The following SYNE1 variants were observed in gnomAD, a reference collection of about 807,000 sequenced individuals.
The protein encoded by SYNE1 is nesprin-1.
Under a neutral mutation model 1,111.0 loss-of-function variants are expected in SYNE1, and 616 were observed. That is an observed-to-expected ratio of 0.55 (90% CI 0.52 to 0.59). SYNE1 has a LOEUF of 0.59. Among genes scored for constraint, SYNE1 ranks in the 20% least tolerant of loss-of-function variants. The pLI is 0.00. For synonymous variants in SYNE1, 3,855 were observed against 3,825.8 expected (o/e 1.01, Z -0.28); for missense variants, 10,006 against 10,417.0 (o/e 0.96, Z 1.72).
At chr6:152,407,275 C>A in intron 44 of SYNE1, 79 bp from the exon 45 acceptor site, 1 of 1,370,826 alleles carries the variant, frequency 7.3e-7, no homozygotes, top group Admixed American at 1.8e-5. Flanking sequence ...ACCAATGCTT[C>A]TTTTATCAGA....
chr6:152,153,076 C>T (rs540691115), intron 133 of SYNE1, among the ~76,000 whole-genome samples: 14 of 152,194 alleles, frequency 9.2e-5, no homozygotes, highest in African/African-American at 3.1e-4. Context: ...TAAATTGAAC[C>T]GCACTCATCA....
chr6:152,562,759 A>G (rs1447544805), intron 3 of SYNE1, among the ~76,000 whole-genome samples: 2 of 152,206 alleles, frequency 1.3e-5, no homozygotes, highest in Admixed American at 1.3e-4. Flanking sequence ...TATGTAACAA[A>G]CCTGCACGTT....
intron 127 of SYNE1, among the ~76,000 whole-genome samples, chr6:152,201,215 A>G (rs1460088228): frequency 1.3e-5 from 2 of 152,166 alleles, no homozygotes; most frequent in African/African-American, 4.8e-5. Flanking sequence ...TGAATCTTAT[A>G]GCCACTGAAT....
chr6:152,500,622 T>A (rs909136497), intron 10 of SYNE1, among the ~76,000 whole-genome samples: 2 of 152,140 alleles, frequency 1.3e-5, no homozygotes, highest in African/African-American at 4.8e-5. Context: ...CTCCTTAGCC[T>A]TTTTCTTCTT....
intron 3 of SYNE1, among the ~76,000 whole-genome samples, chr6:152,598,100 A>G (rs1273267595): frequency 6.6e-6 from 1 of 152,152 alleles, no homozygotes; most frequent in Non-Finnish European, 1.5e-5. Flanking sequence ...AGAAACTGAT[A>G]TGGTTTGGCT....
At chr6:152,241,384 C>A (rs2085614759) in intron 107 of SYNE1, among the ~76,000 whole-genome samples, 1 of 152,124 alleles carries the variant, frequency 6.6e-6, no homozygotes, top group Non-Finnish European at 1.5e-5. Context: ...AGATTTTAAA[C>A]TTCTATAACC....
intron 16 of SYNE1, among the ~76,000 whole-genome samples, chr6:152,467,431 A>G (rs1221599838): frequency 6.6e-6 from 1 of 152,134 alleles, no homozygotes; most frequent in Non-Finnish European, 1.5e-5. Context: ...TGTTCAAGAT[A>G]CTGCGTAAGA....
Position 152,318,192 on chromosome 6 carries a change from C to G in SYNE1, c.16461G>C (p.Leu5487Phe), listed in dbSNP as rs1183684318. 5 of 1,614,072 alleles carry G rather than the reference C, an allele frequency of 3.1e-6. No homozygotes were observed. In the South Asian group the frequency reaches 5.5e-5, roughly 18 times the overall value. Residue 5487 changes from leucine to phenylalanine, a missense_variant, in exon 86 of 146, where the codon TTG (leucine) becomes TTC (phenylalanine). Physicochemically the swap from Leu to Phe is conservative, Grantham distance 22. This residue lies in a region of SYNE1 where 4,955 missense variants were observed against 5,017.2 expected (regional missense o/e 0.99). Transcript: ENST00000367255. ...GCTTACCCAGTTGGCCATTCTGTTC[C>G]AAGAATTTCTGTACTGCTGCATCTA... is the stretch of plus-strand genomic sequence containing the variant. Reference protein sequence around the residue: ...MELDAAVQKFLEQNGQLGKPL... With the variant: ...MELDAAVQKFFEQNGQLGKPL...
rs2080176433 is a variant in SYNE1, at chr6:152,221,513, A to C, written c.21569T>G (p.Phe7190Cys). 1 of 1,613,982 alleles carries C rather than the reference A, an allele frequency of 6.2e-7. No homozygotes were observed. Among genetic ancestry groups the C allele is most frequent in the Non-Finnish European group, 8.5e-7 (1 of 1,179,954 alleles). Reference protein sequence around the residue: ...LEKQERSLQKFGSITNQLLKE... With the variant: ...LEKQERSLQKCGSITNQLLKE... ...TAATAATTGGTTGGTGATAGAGCCAAATTTCTGTAAGCTCCTTTCCTGTTT... is the reference window on the plus strand; with the variant it reads ...TAATAATTGGTTGGTGATAGAGCCACATTTCTGTAAGCTCCTTTCCTGTTT... The change falls in exon 118 of 146, where the codon TTT (phenylalanine) becomes TGT (cysteine). Residue 7190 changes from phenylalanine to cysteine, a missense_variant. Phe to Cys is a radical substitution (Grantham distance 205). Around this residue, in one of 7 missense-constraint regions of SYNE1, gnomAD observed 2,182 missense variants for 2,287.8 expected, o/e 0.95. Coordinates refer to ENST00000367255, the MANE Select transcript of SYNE1 (RefSeq NM_182961.4).
intron 101 of SYNE1, among the ~76,000 whole-genome samples, chr6:152,257,964 T>C (rs980382386): frequency 2.0e-5 from 3 of 152,154 alleles, no homozygotes; most frequent in Admixed American, 1.3e-4. Flanking sequence ...ACATCAAACA[T>C]AGCCTAGATA....
At chr6:152,529,842 G>A (rs529671561) in intron 4 of SYNE1, among the ~76,000 whole-genome samples, 1 of 151,786 alleles carries the variant, frequency 6.6e-6, no homozygotes, top group African/African-American at 2.4e-5. Flanking sequence ...TTTACTGGGG[G>A]GTCTATGACA....
intron 12 of SYNE1, among the ~76,000 whole-genome samples, chr6:152,487,216 C>T (rs995314674): frequency 6.6e-6 from 1 of 152,142 alleles, no homozygotes; most frequent in African/African-American, 2.4e-5. Flanking sequence ...CCCACTCCCC[C>T]ACAGGCCCCA....
At chr6:152,340,114 G>A (rs967409036) in intron 74 of SYNE1, among the ~76,000 whole-genome samples, 2 of 152,180 alleles carry the variant, frequency 1.3e-5, no homozygotes, top group Non-Finnish European at 2.9e-5. Context: ...AGCAGATAGC[G>A]TATGAGGAAG....
chr6:152,555,405 G>T (rs2099361543), intron 3 of SYNE1, among the ~76,000 whole-genome samples: 1 of 152,142 alleles, frequency 6.6e-6, no homozygotes, highest in Admixed American at 6.5e-5. Flanking sequence ...TGCCTACAGT[G>T]TTCAGTACAG....
intron 123 of SYNE1, among the ~76,000 whole-genome samples, chr6:152,212,447 A>T (rs764761068): frequency 2.8e-4 from 42 of 152,176 alleles, no homozygotes; most frequent in Non-Finnish European, 5.3e-4. Flanking sequence ...GTTGCAACAT[A>T]TATCAGTACC....
rs1389717848 is a variant in SYNE1 at position 152,465,017 on chromosome 6, T to G, written c.1932+241A>C. The stretch of plus-strand genomic sequence containing the variant: ...AGACACTCCCCTTCATAGACAGACT[T>G]CAGGGTAATATAGTGCCCTCCCCTT... On this transcript the variant is annotated intron_variant, in intron 18 of 145. Coordinates refer to ENST00000367255, the MANE Select transcript of SYNE1 (RefSeq NM_182961.4). 6.5e-5 allele frequency: 35 copies of G among 541,032 alleles called. No homozygotes were observed. In the East Asian group the frequency reaches 1.2e-3, roughly 18 times the overall value. 33.5% of individuals were successfully genotyped at this position (541,032 alleles called of 1,614,324 possible).
rs955018988 is a variant in SYNE1, at chr6:152,449,396, G to A, written c.3504+137C>T. On this transcript the variant is annotated intron_variant, in intron 28 of 145. Transcript: ENST00000367255. ...CTCTACATGCTCCACAGTAATATAA[G>A]GGGACTTATTTTAAAGACAATTTTC... 1.3e-5 allele frequency: 9 copies of A among 711,924 alleles called. No individual in the cohort carries two copies. The African/African-American group carries it at 1.6e-4, about 13-fold the overall frequency. The allele number at this position is 711,924 out of a possible 1,614,324, so 44.1% of individuals were successfully genotyped here.
At chr6:152,254,627 A>C (rs1282462516) in intron 104 of SYNE1, among the ~76,000 whole-genome samples, 1 of 152,118 alleles carries the variant, frequency 6.6e-6, no homozygotes, top group East Asian at 1.9e-4. Flanking sequence ...TGATCCATAA[A>C]TTTGACTTTT....
chr6:152,321,362 C>T lies in SYNE1; in HGVS notation c.16112G>A (p.Arg5371Gln), dbSNP rs527462104. Reference sequence around the variant, plus strand: ...TTCTGCCATTTTTTCAATGTTCTGTCGGTGATTTGTGGCTTCTGTTAGGAG... The same window carrying T: ...TTCTGCCATTTTTTCAATGTTCTGTTGGTGATTTGTGGCTTCTGTTAGGAG... ...QILLTEATNH[R>Q]QNIEKMAEEQ... The change falls in exon 84 of 146, where the codon CGA (arginine) becomes CAA (glutamine). Residue 5371 changes from arginine to glutamine, a missense_variant. Physicochemically the swap from Arg to Gln is conservative, Grantham distance 43. Coordinates refer to ENST00000367255, the MANE Select transcript of SYNE1 (RefSeq NM_182961.4). 22 of 1,613,658 alleles carry T rather than the reference C, an allele frequency of 1.4e-5. No individual in the cohort carries two copies. The highest frequency in any genetic ancestry group is 8.9e-5 in the East Asian group (4 of 44,812).
Sources: allele counts gnomAD v4.1 joint callset (sites outside exome capture counted in the v4.1 genomes callset), GRCh38; gene constraint gnomAD v4.1.1; regional missense constraint gnomAD v4.1.1; transcripts MANE v1.5; gene names NCBI Gene and HGNC (gene_info 2026-07-23, HGNC 2026-07-21).